NAALADL2: variants seen among roughly 807,000 people sequenced by gnomAD.
The protein encoded by NAALADL2 is inactive N-acetylated-alpha-linked acidic dipeptidase-like protein 2.
NAALADL2 carries 76 observed loss-of-function variants against 87.2 expected under a neutral mutation model. The observed-to-expected ratio is 0.87, with a 90% CI of 0.72 to 1.05. The LOEUF (loss-of-function observed/expected upper bound fraction) is 1.05. Ranked by LOEUF, NAALADL2 falls within the 50% of genes least tolerant of loss-of-function variation. The pLI, the probability that NAALADL2 is intolerant of heterozygous loss-of-function variation, is 0.00. For synonymous variants in NAALADL2, 354 were observed against 331.0 expected (o/e 1.07, Z -0.75); for missense variants, 1,089 against 945.8 (o/e 1.15, Z -1.99).
intron 1 of NAALADL2, among the ~76,000 whole-genome samples, chr3:174,946,023 G>A (rs199767467): frequency 1.0e-3 from 130 of 124,416 alleles, no homozygotes; most frequent in South Asian, 9.2e-3. Context: ...TCCAGCCTGC[G>A]CAACAGTGAG....
rs71164634 is a variant in NAALADL2 at position 175,465,473 on chromosome 3, C to CTTTTTTTTTTTTTTTTTTTT, written c.1328-1487_1328-1486insTTTTTTTTTTTTTTTTTTTT. Among the ~76,000 whole-genome samples the CTTTTTTTTTTTTTTTTTTTT allele has an allele frequency of 1.2e-3, 128 of 106,726 alleles. 3 individuals carry two copies. The highest frequency in any genetic ancestry group is 5.6e-3 in the East Asian group (17 of 3,050). 70.0% of individuals were successfully genotyped at this position (106,726 alleles called of 152,430 possible). A position where few individuals can be genotyped will look rare whatever the true frequency, so the allele number is the denominator to read the frequency against. On this transcript the variant is annotated intron_variant, in intron 7 of 13. Coordinates refer to ENST00000454872, the MANE Select transcript of NAALADL2 (RefSeq NM_207015.3). Reference sequence around the variant, plus strand: ...ACACTATGTATACCATGAATTAAATCTTTTTTTTTTTTTTTTTTTGAGATG... The same window carrying CTTTTTTTTTTTTTTTTTTTT: ...ACACTATGTATACCATGAATTAAATCTTTTTTTTTTTTTTTTTTTTTTTTTTTTTTTTTTTTTTTGAGATG...
At chr3:175,705,594 G>A (rs1262755879) in intron 11 of NAALADL2, among the ~76,000 whole-genome samples, 6 of 151,822 alleles carry the variant, frequency 4.0e-5, no homozygotes, top group Non-Finnish European at 8.8e-5. Flanking sequence ...TCTTCTGTGA[G>A]CTACAGATTA....
chr3:175,234,327 G>T, intron 3 of NAALADL2, 123 bp downstream of exon 3: 1 of 1,051,592 alleles, frequency 9.5e-7, no homozygotes, highest in Non-Finnish European at 1.4e-6. Context: ...TCTTTTCAGT[G>T]TGGAAGTGCC....
chr3:175,064,864 C>T (rs1714247031), intron 1 of NAALADL2, among the ~76,000 whole-genome samples: 1 of 152,140 alleles, frequency 6.6e-6, no homozygotes, highest in Non-Finnish European at 1.5e-5. Flanking sequence ...GCTTGGTTTT[C>T]ATCAAAACTC....
intron 2 of NAALADL2, among the ~76,000 whole-genome samples, chr3:175,200,945 T>C (rs1739927702): frequency 6.6e-6 from 1 of 152,154 alleles, no homozygotes; most frequent in South Asian, 2.1e-4. Context: ...CACATTATCC[T>C]AGTATTTTTC....
chr3:175,329,374 C>G (rs1169906540), intron 5 of NAALADL2, among the ~76,000 whole-genome samples: 1 of 152,122 alleles, frequency 6.6e-6, no homozygotes, highest in Non-Finnish European at 1.5e-5. Flanking sequence ...TATCTACTGT[C>G]TGTTGAACAT....
intron 1 of NAALADL2, among the ~76,000 whole-genome samples, chr3:175,030,275 T>G (rs1382267986): frequency 6.6e-6 from 1 of 152,150 alleles, no homozygotes; most frequent in East Asian, 1.9e-4. Context: ...TTCAGTTCCA[T>G]TAAGTTTTCT....
rs1233757716 is a variant in NAALADL2 at position 174,825,204 on chromosome 3, C to A, written c.-9+87458C>A. 2.0e-5 allele frequency among the ~76,000 whole-genome samples: 3 copies of A among 152,192 alleles called. No individual in the cohort carries two copies. The East Asian group carries it at 5.8e-4, about 29-fold the overall frequency. On this transcript the variant is annotated intron_variant, in intron 3 of 3. Coordinates refer to the NAALADL2 transcript ENST00000434257. ...GAGAAGTCTCATGATATACTACCTG[C>A]AAGCTGGAGACTCAAGAAGGCTGGC...
At chr3:174,623,433 A>C (rs568990692) in intron 2 of NAALADL2, among the ~76,000 whole-genome samples, 1 of 152,240 alleles carries the variant, frequency 6.6e-6, no homozygotes, top group South Asian at 2.1e-4. Flanking sequence ...TTTTTATAAT[A>C]GATTTGTGTA....
intron 5 of NAALADL2, among the ~76,000 whole-genome samples, chr3:175,350,317 T>C (rs1763626368): frequency 6.6e-6 from 1 of 152,146 alleles, no homozygotes; most frequent in Admixed American, 6.6e-5. Flanking sequence ...AAATTCCAAC[T>C]TAAGTCCTAT....
chr3:175,415,939 G>A (rs1160872125), intron 5 of NAALADL2, among the ~76,000 whole-genome samples: 1 of 146,424 alleles, frequency 6.8e-6, no homozygotes, highest in Non-Finnish European at 1.5e-5. Context: ...CATACTGCGA[G>A]ACCTTGTCTC....
intron 1 of NAALADL2, among the ~76,000 whole-genome samples, chr3:174,510,098 A>G (rs1003468522): frequency 6.6e-6 from 1 of 151,712 alleles, no homozygotes; most frequent in African/African-American, 2.4e-5. Context: ...GTCATGTTTT[A>G]TTATGTGTTT....
chr3:175,638,789 A>C (rs1399049395), intron 11 of NAALADL2, among the ~76,000 whole-genome samples: 1 of 152,238 alleles, frequency 6.6e-6, no homozygotes, highest in African/African-American at 2.4e-5. Context: ...ATAAGCCTTT[A>C]GGGATATTTA....
chr3:175,263,013 A>C (rs1048409384), intron 4 of NAALADL2, among the ~76,000 whole-genome samples: 5 of 147,556 alleles, frequency 3.4e-5, no homozygotes, highest in East Asian at 2.0e-4. Flanking sequence ...AAAAAAAAAA[A>C]CAAAAAACAA....
chr3:174,928,974 A>G (rs1314002833), intron 1 of NAALADL2, among the ~76,000 whole-genome samples: 1 of 152,204 alleles, frequency 6.6e-6, no homozygotes, highest in Non-Finnish European at 1.5e-5. Context: ...CCAGGTGGAA[A>G]GGAAGAAAAC....
chr3:174,467,395 C>G (rs547552949), intron 1 of NAALADL2, among the ~76,000 whole-genome samples: 9 of 151,538 alleles, frequency 5.9e-5, no homozygotes, highest in Non-Finnish European at 1.3e-4. Flanking sequence ...GAATTTGAGA[C>G]CAGCCTGGCC....
At chr3:174,596,752 A>G (rs1028557109) in intron 2 of NAALADL2, among the ~76,000 whole-genome samples, 3 of 152,170 alleles carry the variant, frequency 2.0e-5, no homozygotes, top group Non-Finnish European at 4.4e-5. Context: ...GGCTTATACC[A>G]TCTGACACTA....
At chr3:174,882,418 ATGTGTGTTGTGTG>A (rs1442944424) in intron 1 of NAALADL2, among the ~76,000 whole-genome samples, 1 of 133,168 alleles carries the variant, frequency 7.5e-6, no homozygotes, top group Non-Finnish European at 1.6e-5. Flanking sequence ...TATATTGTGT[ATGTGTGTTGTGTG>A]TGTGTGTATA....
intron 1 of NAALADL2, among the ~76,000 whole-genome samples, chr3:174,544,063 C>T (rs1168340397): frequency 6.6e-6 from 1 of 151,360 alleles, no homozygotes. Flanking sequence ...AAACAAAAAA[C>T]CCCAGCAACC....
Sources: gnomAD v4.1 joint callset for allele counts (sites outside exome capture counted in the v4.1 genomes callset) on GRCh38, gnomAD v4.1.1 for gene constraint, MANE v1.5 for transcripts, NCBI Gene and HGNC (gene_info 2026-07-23, HGNC 2026-07-21) for gene names.